MDFIC2: variants seen among roughly 807,000 people sequenced by gnomAD.
MDFIC2 encodes myoD family inhibitor domain-containing protein 2.
chr3:70,312,369 C>T (rs1343396756), intron 1 of MDFIC2, among the ~76,000 whole-genome samples, 182 bp downstream of exon 1: 1 of 152,162 alleles, frequency 6.6e-6, no homozygotes, highest in African/African-American at 2.4e-5. Flanking sequence ...AACAATAAAA[C>T]ACAAAAGCAT....
intron 2 of MDFIC2, chr3:70,272,412 T>G (rs1449246314): frequency 1.3e-5 from 2 of 152,242 alleles, no homozygotes; most frequent in African/African-American, 4.8e-5. Flanking sequence ...ATAATGCTTT[T>G]GAGGTTCATC....
chr3:70,309,369 CA>C (rs1177275984), intron 2 of MDFIC2, among the ~76,000 whole-genome samples: 2 of 151,970 alleles, frequency 1.3e-5, no homozygotes, highest in Non-Finnish European at 2.9e-5. Flanking sequence ...TTGCTATTAC[CA>C]ATGGTTCAAA....
At chr3:70,272,860 A>C (rs974761755) in intron 2 of MDFIC2, among the ~76,000 whole-genome samples, 12 of 152,230 alleles carry the variant, frequency 7.9e-5, no homozygotes, top group African/African-American at 2.7e-4. Flanking sequence ...AAGGGAAATA[A>C]AAAAGAGATC....
At chr3:70,300,281 T>G (rs1465906944) in intron 2 of MDFIC2, among the ~76,000 whole-genome samples, 1 of 152,138 alleles carries the variant, frequency 6.6e-6, no homozygotes, top group Non-Finnish European at 1.5e-5. Context: ...CATTTCTCCT[T>G]TATTTAAATC....
At chr3:70,243,877 C>T (rs1003499282) in intron 2 of MDFIC2, among the ~76,000 whole-genome samples, 4 of 152,120 alleles carry the variant, frequency 2.6e-5, no homozygotes, top group African/African-American at 9.7e-5. Flanking sequence ...ATCACACATC[C>T]CTGGAGAAAA....
intron 2 of MDFIC2, among the ~76,000 whole-genome samples, chr3:70,233,153 C>T (rs372609678): frequency 2.6e-5 from 4 of 152,202 alleles, no homozygotes; most frequent in African/African-American, 7.2e-5. Flanking sequence ...CGCGCCACTG[C>T]ATTCCAGCCT....
chr3:70,247,570 C>G (rs1280297266), intron 2 of MDFIC2, among the ~76,000 whole-genome samples: 1 of 151,626 alleles, frequency 6.6e-6, no homozygotes, highest in Non-Finnish European at 1.5e-5. Context: ...CATATCAATG[C>G]CACAACTCAA....
At chr3:70,268,498 C>CATTTAT in intron 2 of MDFIC2, among the ~76,000 whole-genome samples, 1 of 123,218 alleles carries the variant, frequency 8.1e-6, no homozygotes, top group Non-Finnish European at 1.7e-5. Flanking sequence ...AAAAAAAAAT[C>CATTTAT]CCCACCAGAA....
intron 2 of MDFIC2, among the ~76,000 whole-genome samples, chr3:70,271,089 T>C (rs1701972212): frequency 6.6e-6 from 1 of 152,108 alleles, no homozygotes; most frequent in Non-Finnish European, 1.5e-5. Context: ...CATAGGCCAT[T>C]TATCGAAGCT....
intron 2 of MDFIC2, among the ~76,000 whole-genome samples, chr3:70,219,779 A>G (rs753849735): frequency 2.0e-5 from 3 of 152,180 alleles, no homozygotes; most frequent in Non-Finnish European, 4.4e-5. Flanking sequence ...CCCACAGTTC[A>G]AAAGTGAAGG....
intron 2 of MDFIC2, among the ~76,000 whole-genome samples, chr3:70,217,022 T>C (rs529969997): frequency 3.5e-4 from 53 of 152,284 alleles, no homozygotes; most frequent in African/African-American, 1.2e-3. Context: ...GCCATTGCTA[T>C]CACATCACTC....
chr3:70,233,694 T>A (rs1346496140), intron 2 of MDFIC2, among the ~76,000 whole-genome samples: 1 of 152,192 alleles, frequency 6.6e-6, no homozygotes, highest in African/African-American at 2.4e-5. Flanking sequence ...CCATTCTTCT[T>A]ACTACAGATT....
intron 2 of MDFIC2, among the ~76,000 whole-genome samples, chr3:70,251,918 A>T (rs572825255): frequency 4.6e-5 from 7 of 152,322 alleles, no homozygotes; most frequent in African/African-American, 1.7e-4. Context: ...GTTACACTGT[A>T]ATTATGGCAA....
chr3:70,212,798 C>CT (rs140353742), intron 2 of MDFIC2, among the ~76,000 whole-genome samples: 16,471 of 151,804 alleles, frequency 0.11, 1,338 homozygotes, highest in African/African-American at 0.22. Flanking sequence ...TTTTCTCTCT[C>CT]TTTTTTTGAG....
chr3:70,222,394 T>C (rs1023418181), intron 2 of MDFIC2, among the ~76,000 whole-genome samples: 2 of 152,336 alleles, frequency 1.3e-5, no homozygotes, highest in Admixed American at 6.5e-5. Flanking sequence ...AAATGAGTTA[T>C]AGAAAACTAT....
intron 2 of MDFIC2, among the ~76,000 whole-genome samples, chr3:70,235,588 C>T (rs1235435531): frequency 6.6e-6 from 1 of 152,174 alleles, no homozygotes; most frequent in Non-Finnish European, 1.5e-5. Context: ...CGGCTCTGTC[C>T]TTGTCTTCTT....
chr3:70,241,811 A>G (rs1004167280), intron 2 of MDFIC2, among the ~76,000 whole-genome samples: 1 of 152,216 alleles, frequency 6.6e-6, no homozygotes, highest in Non-Finnish European at 1.5e-5. Context: ...TATTTTACAA[A>G]TGGAGAAACT....
At chr3:70,297,026 T>A (rs1702295992) in intron 2 of MDFIC2, among the ~76,000 whole-genome samples, 1 of 152,144 alleles carries the variant, frequency 6.6e-6, no homozygotes, top group Middle Eastern at 3.4e-3. Flanking sequence ...GCACATACTA[T>A]GGCTTAACCA....
chr3:70,273,210 G>A (rs79790579), intron 2 of MDFIC2, among the ~76,000 whole-genome samples: 170 of 152,320 alleles, frequency 1.1e-3, no homozygotes, highest in African/African-American at 3.9e-3. Flanking sequence ...TCATGCAGAT[G>A]TGAATGTTTG....
Sources: gnomAD v4.1 joint callset for allele counts (sites outside exome capture counted in the v4.1 genomes callset) on GRCh38, gnomAD v4.1.1 for gene constraint, MANE v1.5 for transcripts, NCBI Gene and HGNC (gene_info 2026-07-23, HGNC 2026-07-21) for gene names.